The following RPTOR variants were observed in gnomAD, a reference collection of about 807,000 sequenced individuals.
RPTOR encodes the protein regulatory associated protein of MTOR complex 1, also known as regulatory-associated protein of mTOR.
Under a neutral mutation model 169.9 loss-of-function variants are expected in RPTOR, and 21 were observed. The observed-to-expected ratio is 0.12, with a 90% CI of 0.09 to 0.18. RPTOR has a LOEUF of 0.18. Among genes scored for constraint, RPTOR ranks in the 10% least tolerant of loss-of-function variants. The pLI is 1.00. For synonymous variants in RPTOR, 732 were observed against 753.2 expected, an observed-to-expected ratio of 0.97 and a Z score of 0.46; for missense variants, 1,133 against 1,855.9, an observed-to-expected ratio of 0.61 and a Z score of 7.16.
chr17:80,757,270 G>T lies in RPTOR; in HGVS notation c.830+3085G>T, dbSNP rs568437225. On this transcript the variant is annotated intron_variant, in intron 6 of 33. Transcript: ENST00000306801. The stretch of plus-strand genomic sequence containing the variant: ...GGAAGCCCTCCAACTGAGAGGGCTT[G>T]TGCCAACCAGAAATTAATGGGAGAC... 2.1e-3 allele frequency among the ~76,000 whole-genome samples: 324 copies of T among 152,340 alleles called. 1 individual carries two copies. Among genetic ancestry groups the T allele is most frequent in the Non-Finnish European group, 3.3e-3 (225 of 68,036 alleles).
At chr17:80,685,089 G>A (rs1255618860) in intron 3 of RPTOR, among the ~76,000 whole-genome samples, 1 of 110,596 alleles carries the variant, frequency 9.0e-6, no homozygotes, top group Non-Finnish European at 1.8e-5. Context: ...TCCTACCTCA[G>A]GATTGTATAC....
chr17:80,712,693 T>G (rs929665006), intron 4 of RPTOR, among the ~76,000 whole-genome samples: 4 of 152,164 alleles, frequency 2.6e-5, no homozygotes, highest in African/African-American at 9.7e-5. Context: ...TGGGAATGGG[T>G]TTGGTGGATG....
rs186812781 is a variant in RPTOR at position 80,693,873 on chromosome 17, A to G, written c.349-13968A>G. On this transcript the variant is annotated intron_variant, in intron 3 of 33. Coordinates refer to ENST00000306801, the MANE Select transcript of RPTOR (RefSeq NM_020761.3). ...AACAGGGTCCCTGAAACACCCAGCAAGAGGCTGGGGAATGTCTGGAGAGCC... is the reference window on the plus strand; with the variant it reads ...AACAGGGTCCCTGAAACACCCAGCAGGAGGCTGGGGAATGTCTGGAGAGCC... Among the ~76,000 whole-genome samples, 23 of 152,340 alleles carry G rather than the reference A, an allele frequency of 1.5e-4. No homozygotes were observed. In the East Asian group the frequency reaches 4.4e-3, roughly 29 times the overall value.
At chr17:80,890,096 G>A (rs996936426) in intron 17 of RPTOR, among the ~76,000 whole-genome samples, 19 of 150,910 alleles carry the variant, frequency 1.3e-4, no homozygotes, top group African/African-American at 4.1e-4. Context: ...TGCGGCCCCC[G>A]AGGGAGGCCC....
chr17:80,871,755 A>G (rs1443979281), intron 13 of RPTOR, among the ~76,000 whole-genome samples: 1 of 151,870 alleles, frequency 6.6e-6, no homozygotes, highest in Non-Finnish European at 1.5e-5. Flanking sequence ...TTAGTCTTGG[A>G]GTTGTTTTAT....
chr17:80,832,451 A>C (rs1020302920), intron 9 of RPTOR, among the ~76,000 whole-genome samples: 1 of 152,188 alleles, frequency 6.6e-6, no homozygotes, highest in African/African-American at 2.4e-5. Context: ...TGTCTGGTCC[A>C]GCCTCATCCA....
At chr17:80,868,000 A>T (rs2068012547) in intron 13 of RPTOR, among the ~76,000 whole-genome samples, 1 of 152,224 alleles carries the variant, frequency 6.6e-6, no homozygotes, top group Non-Finnish European at 1.5e-5. Context: ...ATACTACCTG[A>T]TTACAAGAGT....
intron 17 of RPTOR, among the ~76,000 whole-genome samples, chr17:80,888,320 GC>G (rs1281514194): frequency 2.0e-5 from 3 of 152,110 alleles, no homozygotes; most frequent in African/African-American, 7.2e-5. Context: ...TCGCTGTGTT[GC>G]CCCAGGCTGG....
At position 80,860,915 on chromosome 17, in the gene RPTOR, A is replaced by C. The variant is rs1158860186; in HGVS notation, c.1509+3015A>C. ...CTGATTTCCTGAGCTGGATGCGGGG[A>C]GCTGCTGCTCTTCCTCTCAGCACAG... On this transcript the variant is annotated intron_variant, in intron 13 of 33. Coordinates refer to ENST00000306801, the MANE Select transcript of RPTOR (RefSeq NM_020761.3). This position sits in a 1 kb window ranked among gnomAD's most constrained non-coding sequence, Gnocchi z 5.8. Among the ~76,000 whole-genome samples the C allele has an allele frequency of 6.9e-6, 1 of 145,136 alleles. No individual in the cohort carries two copies. Among genetic ancestry groups the C allele is most frequent in the Non-Finnish European group, 1.6e-5 (1 of 64,224 alleles).
chr17:80,757,906 C>T (rs373848596), intron 6 of RPTOR, among the ~76,000 whole-genome samples: 2 of 152,092 alleles, frequency 1.3e-5, no homozygotes, highest in South Asian at 4.1e-4. Flanking sequence ...TTTTAACTCT[C>T]TGTACTGTAT....
rs764299335 is a variant in RPTOR at position 80,730,524 on chromosome 17, C to T, written c.508-36C>T. On this transcript the variant is annotated intron_variant, in intron 4 of 33. Transcript: ENST00000306801. This position sits in a 1 kb window ranked among gnomAD's most constrained non-coding sequence, Gnocchi z 4.2. ...TCACCAGCAGCCCATATTCCTGAGA[C>T]GCACATGTAACGAGCGCACTTTGTG... 2.5e-6 allele frequency: 4 copies of T among 1,604,010 alleles called. No individual in the cohort carries two copies. The highest frequency in any genetic ancestry group is 1.1e-5 in the South Asian group (1 of 90,778).
At chr17:80,950,139 A>C (rs189896081) in intron 28 of RPTOR, among the ~76,000 whole-genome samples, 65 of 152,332 alleles carry the variant, frequency 4.3e-4, no homozygotes, top group South Asian at 2.9e-3. Flanking sequence ...TCCCGGGGTC[A>C]GGCTTCTGGG....
chr17:80,640,115 A>G (rs745842859), intron 2 of RPTOR, among the ~76,000 whole-genome samples: 2 of 147,744 alleles, frequency 1.4e-5, no homozygotes, highest in African/African-American at 4.9e-5. Flanking sequence ...ACCATTTACC[A>G]TCTCCTTTTC....
intron 10 of RPTOR, among the ~76,000 whole-genome samples, 162 bp downstream of exon 10, chr17:80,838,159 G>A (rs560411632): frequency 2.0e-5 from 3 of 152,304 alleles, no homozygotes; most frequent in South Asian, 4.1e-4. Flanking sequence ...TTAAAACATC[G>A]AGTCAACCAG....
At chr17:80,809,026 C>T (rs1023089632) in intron 7 of RPTOR, among the ~76,000 whole-genome samples, 1 of 152,130 alleles carries the variant, frequency 6.6e-6, no homozygotes, top group African/African-American at 2.4e-5. Flanking sequence ...GGATAAATAC[C>T]GGAGAGTGAA....
In RPTOR at chr17:80,959,773, G is replaced by A. The variant is rs758990636; in HGVS notation, c.3478-305G>A. Among the ~76,000 whole-genome samples, 62 of 152,310 alleles carry A rather than the reference G, an allele frequency of 4.1e-4. No homozygotes were observed. The highest frequency in any genetic ancestry group is 6.2e-4 in the South Asian group (3 of 4,830). On this transcript the variant is annotated intron_variant, in intron 29 of 33. Transcript: ENST00000306801. This position sits in a 1 kb window ranked among gnomAD's most constrained non-coding sequence, Gnocchi z 6.7. ...TTCCCAGAGGCGTTTGCAGGCCTCC[G>A]CTCGGGGTGGGGCTGGCCTCTGCCT...
At chr17:80,745,938 G>A (rs1463959466) in intron 5 of RPTOR, among the ~76,000 whole-genome samples, 1 of 152,214 alleles carries the variant, frequency 6.6e-6, no homozygotes, top group African/African-American at 2.4e-5. Context: ...AAGGCGGGTG[G>A]ATCACCTGAG....
intron 4 of RPTOR, among the ~76,000 whole-genome samples, chr17:80,716,240 A>AT (rs1384393844): frequency 6.6e-6 from 1 of 151,896 alleles, no homozygotes; most frequent in Non-Finnish European, 1.5e-5. Context: ...CTGTTTTTTG[A>AT]TTTTTTTATT....
At chr17:80,686,225 C>T (rs1028040505) in intron 3 of RPTOR, among the ~76,000 whole-genome samples, 19 of 149,826 alleles carry the variant, frequency 1.3e-4, no homozygotes, top group Non-Finnish European at 2.1e-4. Context: ...CTCGCTCTGT[C>T]GCCCATGCTG....
Sources: gnomAD v4.1 joint callset for allele counts (sites outside exome capture counted in the v4.1 genomes callset) on GRCh38, gnomAD v4.1.1 for gene constraint, Gnocchi (gnomAD v3.1) non-coding constraint, MANE v1.5 for transcripts, NCBI Gene and HGNC (gene_info 2026-07-23, HGNC 2026-07-21) for gene names.